The following APCDD1L variants were observed in gnomAD, a reference collection of about 807,000 sequenced individuals.
The protein encoded by APCDD1L is APC down-regulated 1 like, also known as protein APCDD1-like.
Under a neutral mutation model 24.2 loss-of-function variants are expected in APCDD1L, and 21 were observed. That is an observed-to-expected ratio of 0.87 (90% CI 0.61 to 1.25). APCDD1L has a LOEUF of 1.25. Among genes scored for constraint, APCDD1L ranks in the 50% most tolerant of loss-of-function variants. The pLI, the probability that APCDD1L is intolerant of heterozygous loss-of-function variation, is 0.00. For synonymous variants in APCDD1L, 321 were observed against 323.6 expected, an observed-to-expected ratio of 0.99 and a Z score of 0.09; for missense variants, 704 against 711.7, an observed-to-expected ratio of 0.99 and a Z score of 0.12.
chr20:58,514,683 C>G lies in APCDD1L; in HGVS notation c.25G>C (p.Ala9Pro). ...CCTCCCAAAAGCACCAGGACGCAAG[C>G]GTAGGGGAGCATGGCTGCGGGCATC... MPAAMLPYACVLVLLGAHT... is the reference protein window; with the variant it reads MPAAMLPYPCVLVLLGAHT... The change falls in exon 1 of 4, where the codon GCT becomes CCT. Residue 9 changes from alanine to proline, a missense_variant. By Grantham distance (27) the Ala-to-Pro change is conservative. Transcript: ENST00000371149. 1 of 1,312,788 alleles carries G rather than the reference C, an allele frequency of 7.6e-7. No individual in the cohort carries two copies. The highest frequency in any genetic ancestry group is 9.8e-7 in the Non-Finnish European group (1 of 1,022,886). 81.3% of individuals were successfully genotyped at this position (1,312,788 alleles called of 1,614,324 possible).
At chr20:58,466,097 G>A (rs1040856576) in intron 3 of APCDD1L, among the ~76,000 whole-genome samples, 10 of 118,232 alleles carry the variant, frequency 8.5e-5, no homozygotes, top group Admixed American at 7.7e-4. Context: ...GTAAAGTTAC[G>A]TTTCTTTCTG....
At position 58,460,654 on chromosome 20, in the gene APCDD1L, G is replaced by A; in HGVS notation, c.*136C>T. ...TCCTGAGCCACATGGGACACAGGCA[G>A]AGTTTGGAAGCAGTGGGGCTGTGCA... On this transcript the variant is annotated 3_prime_UTR_variant, in exon 4 of 4. Transcript: ENST00000371149. The surrounding 1 kb of genome is among the most constrained non-coding windows in gnomAD (Gnocchi z 4.2). 2 of 1,158,924 alleles carry A rather than the reference G, an allele frequency of 1.7e-6. No individual in the cohort carries two copies. The highest frequency in any genetic ancestry group is 2.3e-6 in the Non-Finnish European group (2 of 862,590). The allele number at this position is 1,158,924 out of a possible 1,614,324, so 71.8% of individuals were successfully genotyped here. A position where few individuals can be genotyped will look rare whatever the true frequency, so the allele number is the denominator to read the frequency against.
At chr20:58,498,278 G>T (rs1367567797) in intron 1 of APCDD1L, among the ~76,000 whole-genome samples, 1 of 152,188 alleles carries the variant, frequency 6.6e-6, no homozygotes, top group Non-Finnish European at 1.5e-5. Context: ...GCTAAAGAGT[G>T]AAATTTGTTC....
chr20:58,472,922 G>A (rs972511740), intron 1 of APCDD1L, among the ~76,000 whole-genome samples: 1 of 152,204 alleles, frequency 6.6e-6, no homozygotes, highest in Non-Finnish European at 1.5e-5. Flanking sequence ...GCACGTCAGC[G>A]TCAACACCAC....
chr20:58,468,120 A>G (rs998616367), intron 2 of APCDD1L, among the ~76,000 whole-genome samples: 1 of 152,100 alleles, frequency 6.6e-6, no homozygotes, highest in Admixed American at 6.5e-5. Flanking sequence ...CTTGCCTGTG[A>G]CAGGGCTTGA....
chr20:58,467,353 G>A lies in APCDD1L; in HGVS notation c.494C>T (p.Ala165Val). ...GRDCARRLPP[A>V]RAWLPGALYE... is the part of the protein sequence containing the mutation. Reference sequence around the variant, plus strand: ...CAGCGCCCCAGGCAGCCAGGCCCGGGCCGGAGGCAGCCGCCGCGCGCAGTC... The same window carrying A: ...CAGCGCCCCAGGCAGCCAGGCCCGGACCGGAGGCAGCCGCCGCGCGCAGTC... Residue 165 changes from alanine to valine, a missense_variant, in exon 3 of 4, where the codon GCC becomes GTC. Coordinates refer to ENST00000371149, the MANE Select transcript of APCDD1L (RefSeq NM_153360.3). This position sits in a 1 kb window ranked among gnomAD's most constrained non-coding sequence, Gnocchi z 5.9. 6.8e-7 allele frequency: 1 copy of A among 1,474,266 alleles called. No homozygotes were observed. The highest frequency in any genetic ancestry group is 8.9e-7 in the Non-Finnish European group (1 of 1,121,864). 91.3% of individuals were successfully genotyped at this position (1,474,266 alleles called of 1,614,324 possible).
intron 1 of APCDD1L, among the ~76,000 whole-genome samples, chr20:58,495,845 TC>T (rs1451894006): frequency 2.0e-5 from 3 of 152,116 alleles, no homozygotes; most frequent in East Asian, 3.9e-4. Flanking sequence ...TGCCCTTGTC[TC>T]CCCAGCTGCT....
intron 1 of APCDD1L, among the ~76,000 whole-genome samples, chr20:58,505,479 T>C (rs1990514544): frequency 6.6e-6 from 1 of 152,204 alleles, no homozygotes; most frequent in Non-Finnish European, 1.5e-5. Flanking sequence ...ATTTAAGTCA[T>C]TGCCTGTTGT....
chr20:58,495,919 C>A (rs1022181000), intron 1 of APCDD1L, among the ~76,000 whole-genome samples: 3 of 152,170 alleles, frequency 2.0e-5, no homozygotes, highest in Middle Eastern at 3.4e-3. Flanking sequence ...GGCCCCGGGT[C>A]CCCCTCTCCA....
chr20:58,462,274 T>C (rs535182945), intron 3 of APCDD1L, among the ~76,000 whole-genome samples: 11 of 152,232 alleles, frequency 7.2e-5, no homozygotes, highest in Non-Finnish European at 1.6e-4. Flanking sequence ...CCTGGGCAAC[T>C]GGTACATGTT....
Position 58,461,492 on chromosome 20 carries a change from G to A in APCDD1L, c.804C>T (p.Pro268=), listed in dbSNP as rs747455866. ...GCAGGGCCAGAGGGGGCGGCAGCAC[G>A]GGCGGGTGGTGCACATCGGAGCGGG... ...LIARSDVHHP[P]VLPPPLALPL... Residue 268 remains proline (P), a synonymous_variant, in exon 4 of 4, where the codon CCC becomes CCT. Coordinates refer to ENST00000371149, the MANE Select transcript of APCDD1L (RefSeq NM_153360.3). The surrounding 1 kb of genome is among the most constrained non-coding windows in gnomAD (Gnocchi z 6.0). The A allele has an allele frequency of 1.6e-5, 23 of 1,464,920 alleles. No homozygotes were observed. The East Asian group carries it at 2.4e-4, about 15-fold the overall frequency. The allele number at this position is 1,464,920 out of a possible 1,614,324, so 90.7% of individuals were successfully genotyped here. A position where few individuals can be genotyped will look rare whatever the true frequency, so the allele number is the denominator to read the frequency against.
intron 1 of APCDD1L, among the ~76,000 whole-genome samples, chr20:58,483,773 C>G (rs894271982): frequency 1.3e-5 from 2 of 152,224 alleles, no homozygotes; most frequent in Middle Eastern, 3.4e-3. Context: ...CCTGTGGGTA[C>G]CAATTCAATT....
chr20:58,499,109 T>C (rs1429171255), intron 1 of APCDD1L, among the ~76,000 whole-genome samples: 1 of 152,246 alleles, frequency 6.6e-6, no homozygotes, highest in Non-Finnish European at 1.5e-5. Flanking sequence ...GCGATGGCTC[T>C]GCCCAGGTTC....
chr20:58,512,847 C>A (rs1990653924), intron 1 of APCDD1L, among the ~76,000 whole-genome samples: 1 of 152,092 alleles, frequency 6.6e-6, no homozygotes, highest in Non-Finnish European at 1.5e-5. Flanking sequence ...CTGAACGGCA[C>A]CCTCCCCCTT....
chr20:58,463,783 T>C (rs967928039), intron 3 of APCDD1L, among the ~76,000 whole-genome samples: 6 of 148,940 alleles, frequency 4.0e-5, no homozygotes, highest in African/African-American at 1.5e-4. Context: ...CTTGCAAAAA[T>C]CCCAAAAGAC....
At chr20:58,509,901 T>C (rs1457523075) in intron 1 of APCDD1L, among the ~76,000 whole-genome samples, 1 of 152,184 alleles carries the variant, frequency 6.6e-6, no homozygotes, top group East Asian at 1.9e-4. Context: ...CCAACTCTTT[T>C]CTGAGGCCCC....
chr20:58,502,481 T>C (rs1286814624), intron 1 of APCDD1L, among the ~76,000 whole-genome samples: 1 of 152,220 alleles, frequency 6.6e-6, no homozygotes, highest in African/African-American at 2.4e-5. Flanking sequence ...ATAAGGTCCA[T>C]GCCAGGCTCA....
intron 3 of APCDD1L, among the ~76,000 whole-genome samples, chr20:58,464,372 G>C (rs534276408): frequency 7.0e-4 from 106 of 152,260 alleles, no homozygotes; most frequent in African/African-American, 2.4e-3. Flanking sequence ...GGTGAAAGAG[G>C]GATGAGAAAA....
chr20:58,467,921 G>A lies in APCDD1L; in HGVS notation c.189-263C>T, dbSNP rs1243335864. 6.6e-6 allele frequency among the ~76,000 whole-genome samples: 1 copy of A among 152,140 alleles called. No individual in the cohort carries two copies. Among genetic ancestry groups the A allele is most frequent in the African/African-American group, 2.4e-5 (1 of 41,426 alleles). ...TTCAATCTGAATTGCCCTGCTGGAG[G>A]GCCTTTTGCAACCACCTGGGGACCC... On this transcript the variant is annotated intron_variant, in intron 2 of 3. Coordinates refer to ENST00000371149, the MANE Select transcript of APCDD1L (RefSeq NM_153360.3). The surrounding 1 kb of genome is among the most constrained non-coding windows in gnomAD (Gnocchi z 5.9).
Sources: gnomAD v4.1 joint callset for allele counts (sites outside exome capture counted in the v4.1 genomes callset) on GRCh38, gnomAD v4.1.1 for gene constraint, Gnocchi (gnomAD v3.1) non-coding constraint, MANE v1.5 for transcripts, NCBI Gene and HGNC (gene_info 2026-07-23, HGNC 2026-07-21) for gene names.